OR1F1: variants seen among roughly 807,000 people sequenced by gnomAD.
OR1F1 encodes olfactory receptor family 1 subfamily F member 1, also known as olfactory receptor 1F1.
For missense variants in OR1F1, 493 were observed against 376.3 expected (o/e 1.31, Z -2.57); for synonymous variants, 184 against 156.7 (o/e 1.17, Z -1.30).
At chr16:3,191,210 G>C in the OR1F1 span, 22 of 152,206 alleles carry the variant, frequency 1.4e-4, no homozygotes, top group African/African-American at 5.3e-4. Context: ...TGCGTGCAGT[G>C]TGGGTATGTT....
the OR1F1 span, chr16:3,191,199 G>A: frequency 4.0e-4 from 61 of 152,342 alleles, no homozygotes; most frequent in African/African-American, 1.4e-3. Context: ...ACTCTTTTAG[G>A]TGCGTGCAGT....
the OR1F1 span, among the ~76,000 whole-genome samples, chr16:3,191,945 T>C: frequency 6.6e-6 from 1 of 152,210 alleles, no homozygotes; most frequent in Non-Finnish European, 1.5e-5. Flanking sequence ...TCGCTCCAAG[T>C]ACTCCACGGC....
chr16:3,200,974 C>G (rs1476816095), upstream of OR1F1, among the ~76,000 whole-genome samples: 1 of 152,218 alleles, frequency 6.6e-6, no homozygotes, highest in African/African-American at 2.4e-5. Context: ...AGCAATAACT[C>G]CCCACATCCC....
chr16:3,202,078 T>C (rs1169216200), upstream of OR1F1, among the ~76,000 whole-genome samples: 2 of 152,208 alleles, frequency 1.3e-5, no homozygotes, highest in African/African-American at 4.8e-5. Flanking sequence ...TATTCTTTCC[T>C]GGGCAAAGCC....
At chr16:3,189,531 G>A in the OR1F1 span, among the ~76,000 whole-genome samples, 9 of 152,180 alleles carry the variant, frequency 5.9e-5, no homozygotes, top group Non-Finnish European at 1.2e-4. Context: ...CTTCCAGGCG[G>A]GTCTGAAATA....
At chr16:3,194,237 T>A in the OR1F1 span, among the ~76,000 whole-genome samples, 1 of 152,214 alleles carries the variant, frequency 6.6e-6, no homozygotes, top group African/African-American at 2.4e-5. Flanking sequence ...TTTGTATATA[T>A]CAAAGTGGGA....
At chr16:3,192,258 G>A in the OR1F1 span, among the ~76,000 whole-genome samples, 19 of 151,676 alleles carry the variant, frequency 1.3e-4, no homozygotes, top group East Asian at 3.3e-3. Context: ...GGGTTTCACC[G>A]TGTTAGCCAG....
chr16:3,193,703 T>C, the OR1F1 span, among the ~76,000 whole-genome samples: 1 of 152,284 alleles, frequency 6.6e-6, no homozygotes, highest in South Asian at 2.1e-4. Flanking sequence ...GCTCAAGCGA[T>C]CCTCCAGCCT....
At chr16:3,199,365 G>A (rs1200234509), upstream of OR1F1, among the ~76,000 whole-genome samples, 1 of 151,766 alleles carries the variant, frequency 6.6e-6, no homozygotes, top group African/African-American at 2.4e-5. Context: ...TTAAATAGCT[G>A]GGCACAGTGT....
At chr16:3,196,600 C>T in the OR1F1 span, among the ~76,000 whole-genome samples, 1 of 151,858 alleles carries the variant, frequency 6.6e-6, no homozygotes, top group Non-Finnish European at 1.5e-5. Flanking sequence ...GTTGCCCAGG[C>T]TGGTCTTGAA....
upstream of OR1F1, among the ~76,000 whole-genome samples, chr16:3,201,143 T>C (rs1958130645): frequency 6.6e-6 from 1 of 152,264 alleles, no homozygotes; most frequent in Non-Finnish European, 1.5e-5. Context: ...TTGTAGTGTG[T>C]GTCAGTGCTT....
exon 1 of OR1F1, chr16:3,205,028 A>G (rs1444584167): frequency 6.2e-7 from 1 of 1,613,714 alleles, no homozygotes; most frequent in South Asian, 1.1e-5. Flanking sequence ...GTGTATTTTA[A>G]CCCTCTGTCC....
the OR1F1 span, among the ~76,000 whole-genome samples, chr16:3,191,556 C>T: frequency 6.6e-6 from 1 of 152,102 alleles, no homozygotes; most frequent in Non-Finnish European, 1.5e-5. Flanking sequence ...GTCGTGGGTT[C>T]GAGCCCCACG....
At chr16:3,188,769 G>C in the OR1F1 span, among the ~76,000 whole-genome samples, 2 of 152,202 alleles carry the variant, frequency 1.3e-5, no homozygotes, top group African/African-American at 2.4e-5. Context: ...GTGAAATCTG[G>C]ATACAGGGAA....
At chr16:3,197,823 A>G in the OR1F1 span, among the ~76,000 whole-genome samples, 3 of 684 alleles carry the variant, frequency 4.4e-3, no homozygotes, top group African/African-American at 0.024. Flanking sequence ...GAGAGGGAGA[A>G]GGAGAGGGAG....
At chr16:3,197,687 GGGAGAGGGAGAGGGAGAA>G in the OR1F1 span, among the ~76,000 whole-genome samples, 25 of 135,006 alleles carry the variant, frequency 1.9e-4, 2 homozygotes, top group African/African-American at 4.6e-4. Flanking sequence ...GAGAGGGAGA[GGGAGAGGGAGAGGGAGAA>G]GGAGAGGGAG....
At chr16:3,191,595 C>T in the OR1F1 span, among the ~76,000 whole-genome samples, 1 of 141,454 alleles carries the variant, frequency 7.1e-6, no homozygotes. Flanking sequence ...TCCTTGCTAC[C>T]TTGGAGTTCT....
upstream of OR1F1, among the ~76,000 whole-genome samples, chr16:3,200,838 C>T (rs143672656): frequency 0.012 from 1,887 of 152,278 alleles, 19 homozygotes; most frequent in Non-Finnish European, 0.02. Context: ...TATCCTGCCT[C>T]ACTAGGATTA....
At chr16:3,201,763 T>C (rs1958138170), upstream of OR1F1, among the ~76,000 whole-genome samples, 1 of 152,062 alleles carries the variant, frequency 6.6e-6, no homozygotes. Flanking sequence ...CTAAAAGAGA[T>C]GGGGCGGAAG....
Sources: allele counts gnomAD v4.1 joint callset (sites outside exome capture counted in the v4.1 genomes callset), GRCh38; gene constraint gnomAD v4.1.1; transcripts MANE v1.5; gene names NCBI Gene and HGNC (gene_info 2026-07-23, HGNC 2026-07-21).